ADCY6: variants seen among roughly 807,000 people sequenced by gnomAD.
ADCY6 encodes the protein adenylate cyclase type 6.
ADCY6 carries 59 observed loss-of-function variants against 111.6 expected under a neutral mutation model. That is an observed-to-expected ratio of 0.53 (90% CI 0.43 to 0.66). The LOEUF (loss-of-function observed/expected upper bound fraction) is 0.66. Ranked by LOEUF, ADCY6 falls within the 30% of genes least tolerant of loss-of-function variation. The pLI, the probability that ADCY6 is intolerant of heterozygous loss-of-function variation, is 0.00. For synonymous variants in ADCY6, 576 were observed against 642.9 expected, an observed-to-expected ratio of 0.90 and a Z score of 1.57; for missense variants, 1,242 against 1,595.6, an observed-to-expected ratio of 0.78 and a Z score of 3.78.
At position 48,776,225 on chromosome 12, in the gene ADCY6, C is replaced by T; in HGVS notation, c.1661G>A (p.Gly554Asp). The change falls in exon 8 of 22, where the codon GGC (glycine) becomes GAC (aspartate). Residue 554 changes from glycine to aspartate, a missense_variant. Physicochemically the swap from Gly to Asp is moderately conservative, Grantham distance 94. This residue lies in a region of ADCY6 where 260 missense variants were observed against 414.6 expected (regional missense o/e 0.63). Transcript: ENST00000357869. This position sits in a 1 kb window ranked among gnomAD's most constrained non-coding sequence, Gnocchi z 6.1. Reference sequence around the variant, plus strand: ...GGCCCTGACCCGTTTCTGGCTGGCGCCCAGGATGAGGAAAGTCTCAATGTG... The same window carrying T: ...GGCCCTGACCCGTTTCTGGCTGGCGTCCAGGATGAGGAAAGTCTCAATGTG... ...EQHIETFLIL[G>D]ASQKRKEEKA... is the part of the protein sequence containing the mutation. The T allele has an allele frequency of 6.2e-7, 1 of 1,614,230 alleles. No individual in the cohort carries two copies. Among genetic ancestry groups the T allele is most frequent in the Non-Finnish European group, 8.5e-7 (1 of 1,180,044 alleles).
intron 16 of ADCY6, 142 bp from the exon 17 acceptor site, chr12:48,772,685 T>C (rs1941583324): frequency 7.5e-6 from 7 of 929,314 alleles, no homozygotes; most frequent in Non-Finnish European, 1.1e-5. Context: ...TTACATTAAT[T>C]AACTCATTAA....
At chr12:48,780,975 T>C (rs192649791) in intron 2 of ADCY6, among the ~76,000 whole-genome samples, 2 of 151,700 alleles carry the variant, frequency 1.3e-5, no homozygotes, top group Admixed American at 6.6e-5. Flanking sequence ...CCAAGGCGGG[T>C]GGATCATGAG....
chr12:48,773,236 A>AT (rs936375167), intron 16 of ADCY6, among the ~76,000 whole-genome samples: 41 of 148,508 alleles, frequency 2.8e-4, no homozygotes, highest in Admixed American at 1.6e-3. Context: ...GTAAGAGGGA[A>AT]TTTTTTTTTT....
chr12:48,787,573 G>A (rs865920805), intron 1 of ADCY6, among the ~76,000 whole-genome samples: 1 of 152,124 alleles, frequency 6.6e-6, no homozygotes, highest in Admixed American at 6.5e-5. Context: ...ACAGGGTAGA[G>A]CACTGTTCCA....
At chr12:48,784,834 T>G (rs544078485) in intron 1 of ADCY6, among the ~76,000 whole-genome samples, 1 of 152,016 alleles carries the variant, frequency 6.6e-6, no homozygotes, top group South Asian at 2.1e-4. Context: ...CAGGGAAATT[T>G]TTTCTATTTT....
Position 48,776,113 on chromosome 12 carries a change from A to G in ADCY6, c.1678-22T>C. ...CTTTCTGTGCGGGCAGCATGGGTAC[A>G]GGCTCAGAAGAGGGGCCCAGAGGAG... is the stretch of plus-strand genomic sequence containing the variant. On this transcript the variant is annotated intron_variant, in intron 8 of 21. Coordinates refer to ENST00000357869, the MANE Select transcript of ADCY6 (RefSeq NM_015270.5). This position sits in a 1 kb window ranked among gnomAD's most constrained non-coding sequence, Gnocchi z 6.1. 6.2e-7 allele frequency: 1 copy of G among 1,613,854 alleles called. No individual in the cohort carries two copies. The highest frequency in any genetic ancestry group is 8.5e-7 in the Non-Finnish European group (1 of 1,179,884).
chr12:48,769,664 G>A (rs1941474648), intron 20 of ADCY6, among the ~76,000 whole-genome samples: 1 of 148,594 alleles, frequency 6.7e-6, no homozygotes, highest in Non-Finnish European at 1.5e-5. Context: ...TCAGCTCACT[G>A]CAACCTCTGC....
Position 48,774,696 on chromosome 12 carries a change from C to T in ADCY6, c.2161G>A (p.Gly721Ser). Residue 721 changes from glycine to serine, a missense_variant, in exon 13 of 22, where the codon GGT becomes AGT. Gly to Ser is a moderately conservative substitution (Grantham distance 56). Coordinates refer to ENST00000357869, the MANE Select transcript of ADCY6 (RefSeq NM_015270.5). Reference protein sequence around the residue: ...TVLICAVYSCGSLFPKALQRL... With the variant: ...TVLICAVYSCSSLFPKALQRL... ...TCAGAAATCCCCTTACGTACAGAACCACAGGAGTACACAGCACAGATCAGC... is the reference window on the plus strand; with the variant it reads ...TCAGAAATCCCCTTACGTACAGAACTACAGGAGTACACAGCACAGATCAGC... 4 of 1,614,006 alleles carry T rather than the reference C, an allele frequency of 2.5e-6. No individual in the cohort carries two copies. The highest frequency in any genetic ancestry group is 3.4e-6 in the Non-Finnish European group (4 of 1,179,942).
chr12:48,773,392 G>A, intron 16 of ADCY6, 77 bp downstream of exon 16: 4 of 1,500,084 alleles, frequency 2.7e-6, no homozygotes, highest in South Asian at 1.3e-5. Flanking sequence ...AGGGGCATGG[G>A]CACCAGAGAG....
Position 48,776,203 on chromosome 12 carries a change from C to T in ADCY6, c.1677+6G>A, listed in dbSNP as rs1176819325. ...CCCCTGCCCCCAGCCCTGCCCTGGC[C>T]CTGACCCGTTTCTGGCTGGCGCCCA... is the stretch of plus-strand genomic sequence containing the variant. On this transcript the variant is annotated splice_donor_region_variant and intron_variant, in intron 8 of 21. Coordinates refer to ENST00000357869, the MANE Select transcript of ADCY6 (RefSeq NM_015270.5). The surrounding 1 kb of genome is among the most constrained non-coding windows in gnomAD (Gnocchi z 6.1). 1 of 1,614,134 alleles carries T rather than the reference C, an allele frequency of 6.2e-7. No homozygotes were observed. The highest frequency in any genetic ancestry group is 8.5e-7 in the Non-Finnish European group (1 of 1,180,020).
chr12:48,777,758 G>A lies in ADCY6; in HGVS notation c.1015-22C>T, dbSNP rs759808270. On this transcript the variant is annotated intron_variant, in intron 3 of 21. Transcript: ENST00000357869. This position sits in a 1 kb window ranked among gnomAD's most constrained non-coding sequence, Gnocchi z 4.9. ...GCTCCTAGCCCAGTGGTTCCAATAG[G>A]GCATCACTATACTCTTGGTCTCACA... The A allele has an allele frequency of 5.6e-6, 9 of 1,613,274 alleles. No homozygotes were observed. The highest frequency in any genetic ancestry group is 7.6e-6 in the Non-Finnish European group (9 of 1,179,786).
chr12:48,771,697 A>G lies in ADCY6; in HGVS notation c.3051+13T>C, dbSNP rs1941549659. 6.2e-7 allele frequency: 1 copy of G among 1,613,604 alleles called. No homozygotes were observed. Among genetic ancestry groups the G allele is most frequent in the Non-Finnish European group, 8.5e-7 (1 of 1,179,982 alleles). ...CCCCACTCTCTGCCACCACCAGCCA[A>G]CTGGAAAAGTACCTCATCAAAGTCA... On this transcript the variant is annotated intron_variant, in intron 19 of 21. Coordinates refer to ENST00000357869, the MANE Select transcript of ADCY6 (RefSeq NM_015270.5). This position sits in a 1 kb window ranked among gnomAD's most constrained non-coding sequence, Gnocchi z 4.3.
Position 48,776,622 on chromosome 12 carries a change from T to C in ADCY6, c.1377-36A>G, listed in dbSNP as rs1941711676. Reference sequence around the variant, plus strand: ...GCAGCCCCAGATCAGCTCCTGGCAGTCTTCCCCTCCCCCAGCCCACAACCC... The same window carrying C: ...GCAGCCCCAGATCAGCTCCTGGCAGCCTTCCCCTCCCCCAGCCCACAACCC... On this transcript the variant is annotated intron_variant, in intron 6 of 21. Coordinates refer to ENST00000357869, the MANE Select transcript of ADCY6 (RefSeq NM_015270.5). This position sits in a 1 kb window ranked among gnomAD's most constrained non-coding sequence, Gnocchi z 6.1. 6 of 1,578,596 alleles carry C rather than the reference T, an allele frequency of 3.8e-6. No homozygotes were observed. The highest frequency in any genetic ancestry group is 5.1e-6 in the Non-Finnish European group (6 of 1,165,104).
At position 48,773,644 on chromosome 12, in the gene ADCY6, A is replaced by G. The variant is rs143344638; in HGVS notation, c.2446T>C (p.Phe816Leu). ...TMPTCSFPEY[F>L]IGNMLLSLLA... is the part of the protein sequence containing the mutation. ...AGACTCAGCAGCATGTTCCCGATGA[A>G]GTACTGCGGGGGTGGCAGAGGCAGC... Residue 816 changes from phenylalanine (F) to leucine (L), a missense_variant, in exon 16 of 22, where the codon TTC (phenylalanine) becomes CTC (leucine). Phe to Leu is a conservative substitution (Grantham distance 22). This residue lies in a region of ADCY6 where 375 missense variants were observed against 432.5 expected (regional missense o/e 0.87). Coordinates refer to ENST00000357869, the MANE Select transcript of ADCY6 (RefSeq NM_015270.5). 2.5e-6 allele frequency: 4 copies of G among 1,613,902 alleles called. No individual in the cohort carries two copies. The highest frequency in any genetic ancestry group is 3.4e-6 in the Non-Finnish European group (4 of 1,179,998).
chr12:48,774,668 G>A (rs1054499710), intron 13 of ADCY6, 23 bp downstream of exon 13: 3 of 1,611,584 alleles, frequency 1.9e-6, no homozygotes, highest in Non-Finnish European at 2.5e-6. Context: ...CTCCCCAACA[G>A]CCTCAGAAAT....
Position 48,776,546 on chromosome 12 carries a change from C to T in ADCY6, c.1417G>A (p.Val473Met), listed in dbSNP as rs1433790319. 1.2e-5 allele frequency: 20 copies of T among 1,613,096 alleles called. No homozygotes were observed. Among genetic ancestry groups the T allele is most frequent in the Middle Eastern group, 1.6e-4 (1 of 6,084 alleles). Residue 473 changes from valine to methionine, a missense_variant, in exon 7 of 22, where the codon GTG (valine) becomes ATG (methionine). Physicochemically the swap from Val to Met is conservative, Grantham distance 21 (BLOSUM62 1). Around this residue, in one of 4 missense-constraint regions of ADCY6, gnomAD observed 260 missense variants for 414.6 expected, o/e 0.63. Coordinates refer to ENST00000357869, the MANE Select transcript of ADCY6 (RefSeq NM_015270.5). The surrounding 1 kb of genome is among the most constrained non-coding windows in gnomAD (Gnocchi z 6.1). ...TGCACGCGCCCGCTGTGGATGCCCACGCGCATGTTCACATTCACACCTGTC... is the reference window on the plus strand; with the variant it reads ...TGCACGCGCCCGCTGTGGATGCCCATGCGCATGTTCACATTCACACCTGTC... ...EVTGVNVNMR[V>M]GIHSGRVHCG...
chr12:48,779,070 C>CG (rs1941781952), intron 2 of ADCY6, among the ~76,000 whole-genome samples: 1 of 151,506 alleles, frequency 6.6e-6, no homozygotes, highest in South Asian at 2.1e-4. Context: ...TTAGTAGAGA[C>CG]GGGGTTTCAC....
In ADCY6 at chr12:48,768,602, G is replaced by C. The variant is rs1229773009; in HGVS notation, c.3496C>G (p.Pro1166Ala). ...GTGGCTGGGCCCTGTTAACTGCTGG[G>C]GCCCCCATTGAGGAAGTAGGTGGTC... ...EMTTYFLNGG[P>A]SS The change falls in exon 22 of 22, where the codon CCC (proline) becomes GCC (alanine). Residue 1166 changes from proline to alanine, a missense_variant. By Grantham distance (27) the Pro-to-Ala change is conservative. Around this residue, in one of 4 missense-constraint regions of ADCY6, gnomAD observed 245 missense variants for 371.3 expected, o/e 0.66. Coordinates refer to ENST00000357869, the MANE Select transcript of ADCY6 (RefSeq NM_015270.5). 1.9e-6 allele frequency: 3 copies of C among 1,614,058 alleles called. No homozygotes were observed. The highest frequency in any genetic ancestry group is 2.5e-6 in the Non-Finnish European group (3 of 1,179,986).
chr12:48,773,754 C>T (rs1299565587), intron 15 of ADCY6, 107 bp from the exon 16 acceptor site: 1 of 1,482,782 alleles, frequency 6.7e-7, no homozygotes, highest in African/African-American at 1.4e-5. Flanking sequence ...CACCACACCC[C>T]TCAAACCCCC....
Sources: allele counts gnomAD v4.1 joint callset (sites outside exome capture counted in the v4.1 genomes callset), GRCh38; gene constraint gnomAD v4.1.1; regional missense constraint gnomAD v4.1.1; non-coding constraint Gnocchi (gnomAD v3.1); transcripts MANE v1.5; gene names NCBI Gene and HGNC (gene_info 2026-07-23, HGNC 2026-07-21).